Variants in IQGAP2 observed in about 807,000 individuals in gnomAD.
IQGAP2 encodes IQ motif containing GTPase activating protein 2.
IQGAP2 carries 173 observed loss-of-function variants against 201.3 expected under a neutral mutation model. That is an observed-to-expected ratio of 0.86 (90% CI 0.76 to 0.98). The LOEUF is 0.98. Among genes scored for constraint, IQGAP2 ranks in the 50% least tolerant of loss-of-function variants. The probability of loss-of-function intolerance (pLI) is 0.00; values close to 1 mark genes in which losing one functional copy is unlikely to be tolerated. For missense variants in IQGAP2, 1,687 were observed against 1,864.8 expected (o/e 0.90, Z 1.76); for synonymous variants, 675 against 673.9 (o/e 1.00, Z -0.03).
At chr5:76,629,917 A>G (rs1750560868) in intron 14 of IQGAP2, among the ~76,000 whole-genome samples, 1 of 152,216 alleles carries the variant, frequency 6.6e-6, no homozygotes, top group African/African-American at 2.4e-5. Context: ...ACTATCTGGA[A>G]CTTAGCTACA....
chr5:76,664,874 A>G, intron 21 of IQGAP2, 152 bp from the exon 22 acceptor site: 1 of 548,148 alleles, frequency 1.8e-6, no homozygotes, highest in East Asian at 3.0e-5. Context: ...CAAAGAAAAA[A>G]AATGCGGTAT....
chr5:76,552,390 A>C (rs1743620903), intron 2 of IQGAP2, among the ~76,000 whole-genome samples: 1 of 152,192 alleles, frequency 6.6e-6, no homozygotes, highest in African/African-American at 2.4e-5. Flanking sequence ...AATATGGATA[A>C]GCTGAGAATT....
chr5:76,560,209 G>A (rs1041173891), intron 2 of IQGAP2, among the ~76,000 whole-genome samples: 2 of 152,038 alleles, frequency 1.3e-5, no homozygotes, highest in Non-Finnish European at 2.9e-5. Context: ...CTGTAATGCT[G>A]TGGCCTGACT....
intron 2 of IQGAP2, among the ~76,000 whole-genome samples, chr5:76,485,847 C>T (rs1474081372): frequency 6.6e-6 from 1 of 152,134 alleles, no homozygotes; most frequent in Non-Finnish European, 1.5e-5. Flanking sequence ...GTGACCTTTT[C>T]CAATTGTATT....
chr5:76,467,575 C>G (rs1754847819), intron 2 of IQGAP2, among the ~76,000 whole-genome samples: 1 of 152,200 alleles, frequency 6.6e-6, no homozygotes. Context: ...AGAAAATAGT[C>G]TGGCAGCTCT....
chr5:76,592,789 G>C, intron 8 of IQGAP2, 49 bp from the exon 9 acceptor site: 1 of 1,205,006 alleles, frequency 8.3e-7, no homozygotes, highest in South Asian at 1.3e-5. Flanking sequence ...TTCGAGTTTT[G>C]GAAATATTTT....
At chr5:76,451,184 G>A (rs1444441861) in intron 1 of IQGAP2, among the ~76,000 whole-genome samples, 1 of 152,126 alleles carries the variant, frequency 6.6e-6, no homozygotes, top group African/African-American at 2.4e-5. Context: ...CCAAGCCATG[G>A]CTTGTTTCCA....
At chr5:76,683,663 T>G (rs1163416907) in intron 29 of IQGAP2, 113 bp from the exon 30 acceptor site, 2 of 931,452 alleles carry the variant, frequency 2.1e-6, no homozygotes, top group Admixed American at 2.7e-5. Flanking sequence ...AAGACCATGA[T>G]CTCCCATTTA....
At chr5:76,496,730 TTTCTTTCTTTCTTTCTTTCTTTCTTTC>T (rs1756943420) in intron 2 of IQGAP2, among the ~76,000 whole-genome samples, 28 of 48,536 alleles carry the variant, frequency 5.8e-4, no homozygotes, top group Non-Finnish European at 6.7e-4. Context: ...CTTTCTTTTC[TTTCTTTCTTTCTTTCTTTCTTTCTTTC>T]TTTCTTTCTT....
chr5:76,699,585 T>G (rs1321911509), intron 33 of IQGAP2: 1 of 150,416 alleles, frequency 6.6e-6, no homozygotes, highest in Non-Finnish European at 1.5e-5. Context: ...TTAGTTCATT[T>G]GCTTCAGGCT....
At chr5:76,641,814 G>A (rs1751612389) in intron 17 of IQGAP2, among the ~76,000 whole-genome samples, 1 of 152,102 alleles carries the variant, frequency 6.6e-6, no homozygotes, top group South Asian at 2.1e-4. Flanking sequence ...GATGCTGATG[G>A]GTTTTTACTT....
At chr5:76,639,784 T>C (rs1751423649) in intron 16 of IQGAP2, among the ~76,000 whole-genome samples, 1 of 152,146 alleles carries the variant, frequency 6.6e-6, no homozygotes, top group Admixed American at 6.5e-5. Flanking sequence ...GACAAGAAGA[T>C]AGTGAAGAAC....
chr5:76,510,827 A>G (rs1233518103), intron 2 of IQGAP2: 2 of 431,016 alleles, frequency 4.6e-6, no homozygotes, highest in East Asian at 5.8e-5. Flanking sequence ...CCTGGCCTCC[A>G]GCAGGCTGGG....
At chr5:76,482,185 G>C (rs929991615) in intron 2 of IQGAP2, among the ~76,000 whole-genome samples, 2 of 152,160 alleles carry the variant, frequency 1.3e-5, no homozygotes. Context: ...TTTTCCCAGG[G>C]TGAGTGGATG....
intron 1 of IQGAP2, among the ~76,000 whole-genome samples, chr5:76,452,654 T>A (rs1174078555): frequency 9.9e-5 from 15 of 152,172 alleles, no homozygotes; most frequent in Admixed American, 9.8e-4. Flanking sequence ...TCTATAATAA[T>A]AGCGACACTC....
At chr5:76,625,781 T>C (rs1290986699) in intron 13 of IQGAP2, among the ~76,000 whole-genome samples, 1 of 152,236 alleles carries the variant, frequency 6.6e-6, no homozygotes, top group East Asian at 1.9e-4. Context: ...TCTTAAGTTT[T>C]AAATGACGGA....
chr5:76,616,686 C>CA (rs2150353124), intron 13 of IQGAP2: 1 of 151,958 alleles, frequency 6.6e-6, no homozygotes, highest in South Asian at 2.1e-4. Flanking sequence ...TCCATCTCTG[C>CA]AAAAAATAAA....
chr5:76,548,104 A>C (rs1465430192), intron 2 of IQGAP2, among the ~76,000 whole-genome samples: 3 of 152,220 alleles, frequency 2.0e-5, no homozygotes, highest in Non-Finnish European at 4.4e-5. Flanking sequence ...GTGATTTCAC[A>C]TTTAGCATCT....
At chr5:76,593,153 A>T (rs1746776558) in intron 9 of IQGAP2, among the ~76,000 whole-genome samples, 1 of 152,166 alleles carries the variant, frequency 6.6e-6, no homozygotes, top group Non-Finnish European at 1.5e-5. Flanking sequence ...AGCTAGTTTG[A>T]TTCTACCTTC....
Sources: allele counts gnomAD v4.1 joint callset (sites outside exome capture counted in the v4.1 genomes callset), GRCh38; gene constraint gnomAD v4.1.1; transcripts MANE v1.5; gene names NCBI Gene and HGNC (gene_info 2026-07-23, HGNC 2026-07-21).